The following SLC44A5 variants were observed in gnomAD, a reference collection of about 807,000 sequenced individuals.
SLC44A5 encodes solute carrier family 44 member 5.
A neutral mutation model predicts 101.8 loss-of-function variants in SLC44A5; 57 were observed. The ratio of observed to expected loss-of-function variants is 0.56; its 90% CI spans 0.45 to 0.70. SLC44A5 has a LOEUF of 0.70. SLC44A5 is among the 30% of genes least tolerant of loss of function. The pLI is 0.00. For missense variants in SLC44A5, 737 were observed against 853.1 expected (o/e 0.86, Z 1.70); for synonymous variants, 281 against 290.9 (o/e 0.97, Z 0.35).
chr1:75,580,771 G>C (rs992648858), intron 1 of SLC44A5, among the ~76,000 whole-genome samples: 42 of 150,588 alleles, frequency 2.8e-4, no homozygotes, highest in African/African-American at 1.0e-3. Flanking sequence ...CTGGGAGGCA[G>C]AGGTCGCAGT....
chr1:75,205,215 C>T (rs1489060277), intron 23 of SLC44A5: 1 of 152,138 alleles, frequency 6.6e-6, no homozygotes, highest in Non-Finnish European at 1.5e-5. Flanking sequence ...TAGGTGTCTA[C>T]ACTTGAAGAT....
At chr1:75,376,499 C>G (rs1477736333) in intron 3 of SLC44A5, among the ~76,000 whole-genome samples, 1 of 152,230 alleles carries the variant, frequency 6.6e-6, no homozygotes, top group African/African-American at 2.4e-5. Context: ...TGAGAACGGG[C>G]AGACTGCCTC....
chr1:75,678,696 T>G, the SLC44A5 span, among the ~76,000 whole-genome samples: 319 of 151,288 alleles, frequency 2.1e-3, 2 homozygotes, highest in African/African-American at 7.0e-3. Flanking sequence ...ACTCTAAAAA[T>G]CAGAGCGCCT....
chr1:75,493,032 T>A (rs1557843914), intron 2 of SLC44A5, among the ~76,000 whole-genome samples: 1 of 152,220 alleles, frequency 6.6e-6, no homozygotes. Context: ...ACAAAGACCA[T>A]GACCTCATCA....
intron 2 of SLC44A5, among the ~76,000 whole-genome samples, chr1:75,540,726 A>G (rs1671313877): frequency 6.6e-6 from 1 of 152,162 alleles, no homozygotes; most frequent in Non-Finnish European, 1.5e-5. Context: ...CAAGAGATAG[A>G]TTTACCTTCA....
intron 4 of SLC44A5, among the ~76,000 whole-genome samples, chr1:75,326,355 C>T (rs146426619): frequency 2.0e-5 from 3 of 151,460 alleles, no homozygotes; most frequent in African/African-American, 4.8e-5. Flanking sequence ...AAGCTTTCTC[C>T]TACATTAAAT....
intron 5 of SLC44A5, 134 bp downstream of exon 5, chr1:75,300,478 C>T: frequency 6.1e-6 from 3 of 490,510 alleles, no homozygotes; most frequent in Middle Eastern, 5.4e-4. Flanking sequence ...TGGTGAGGCA[C>T]ATTTCCTCCA....
intron 1 of SLC44A5, chr1:75,582,036 C>T (rs1673724695): frequency 1.6e-6 from 1 of 640,430 alleles, no homozygotes; most frequent in African/African-American, 1.8e-5. Context: ...CAGTTATATA[C>T]AAAAGGATAC....
intron 18 of SLC44A5, among the ~76,000 whole-genome samples, chr1:75,216,720 T>C (rs1646969006): frequency 1.3e-5 from 2 of 152,074 alleles, no homozygotes; most frequent in Non-Finnish European, 2.9e-5. Context: ...ATTAAGCATC[T>C]TTTCATGTCC....
the SLC44A5 span, among the ~76,000 whole-genome samples, chr1:75,683,817 G>T: frequency 7.2e-5 from 11 of 151,786 alleles, no homozygotes; most frequent in African/African-American, 2.7e-4. Flanking sequence ...AGGAAAAAAA[G>T]AAGAAACACA....
chr1:75,702,059 T>C, the SLC44A5 span, among the ~76,000 whole-genome samples: 1 of 152,044 alleles, frequency 6.6e-6, no homozygotes, highest in South Asian at 2.1e-4. Context: ...GAAGAATCAA[T>C]ATTGTGAAAA....
intron 2 of SLC44A5, among the ~76,000 whole-genome samples, chr1:75,433,469 T>C (rs1234465139): frequency 6.6e-6 from 1 of 152,184 alleles, no homozygotes; most frequent in Non-Finnish European, 1.5e-5. Context: ...AAGTCAATTA[T>C]ATCACCAGTT....
intron 1 of SLC44A5, among the ~76,000 whole-genome samples, chr1:75,551,371 T>G (rs1448736608): frequency 6.6e-6 from 1 of 152,148 alleles, no homozygotes; most frequent in Non-Finnish European, 1.5e-5. Context: ...AATAACCGTA[T>G]GACAATTTTA....
intron 6 of SLC44A5, among the ~76,000 whole-genome samples, chr1:75,257,325 G>C (rs1246361522): frequency 1.3e-5 from 2 of 152,034 alleles, no homozygotes; most frequent in Non-Finnish European, 2.9e-5. Flanking sequence ...TAAAAGGGAG[G>C]GACTTCAAAA....
chr1:75,225,473 G>A (rs930584673), intron 13 of SLC44A5, among the ~76,000 whole-genome samples: 3 of 151,978 alleles, frequency 2.0e-5, no homozygotes, highest in Admixed American at 2.0e-4. Context: ...AAATATATTC[G>A]ATGCCCTATA....
chr1:75,340,349 C>T (rs1352105410), intron 3 of SLC44A5, among the ~76,000 whole-genome samples: 1 of 152,066 alleles, frequency 6.6e-6, no homozygotes, highest in African/African-American at 2.4e-5. Context: ...TCATTGCTGG[C>T]CAAGGGTGTG....
At chr1:75,543,597 A>G in intron 1 of SLC44A5, among the ~76,000 whole-genome samples, 1 of 26,418 alleles carries the variant, frequency 3.8e-5, no homozygotes, top group Non-Finnish European at 1.0e-4. Context: ...ATAAATAAAT[A>G]TATATATATA....
chr1:75,642,055 T>C, the SLC44A5 span: 2 of 1,354,376 alleles, frequency 1.5e-6, no homozygotes, highest in South Asian at 1.2e-5. Flanking sequence ...CTGTGTCTTC[T>C]GGTCCAATGA....
At chr1:75,469,538 T>C (rs1666992474) in intron 2 of SLC44A5, among the ~76,000 whole-genome samples, 1 of 151,594 alleles carries the variant, frequency 6.6e-6, no homozygotes, top group Admixed American at 6.6e-5. Context: ...GTGTAGAACT[T>C]AGGGGAAAAA....
Sources: allele counts gnomAD v4.1 joint callset (sites outside exome capture counted in the v4.1 genomes callset), GRCh38; gene constraint gnomAD v4.1.1; transcripts MANE v1.5; gene names NCBI Gene and HGNC (gene_info 2026-07-23, HGNC 2026-07-21).